IQGAP1: variants seen among roughly 807,000 people sequenced by gnomAD.
IQGAP1 encodes ras GTPase-activating-like protein IQGAP1.
A neutral mutation model predicts 215.6 loss-of-function variants in IQGAP1; 66 were observed. The observed-to-expected ratio is 0.31, with a 90% CI of 0.25 to 0.38. IQGAP1 has a LOEUF of 0.38. Ranked by LOEUF, IQGAP1 falls within the 10% of genes least tolerant of loss-of-function variation. The pLI is 1.00. For synonymous variants in IQGAP1, 772 were observed against 728.7 expected (o/e 1.06, Z -0.96); for missense variants, 1,712 against 1,997.1 (o/e 0.86, Z 2.72).
intron 2 of IQGAP1, 152 bp from the exon 3 acceptor site, chr15:90,425,958 C>A: frequency 1.6e-6 from 1 of 637,738 alleles, no homozygotes; most frequent in Non-Finnish European, 2.4e-6. Flanking sequence ...CTGGGCCAGG[C>A]AGGGAAAGGA....
At chr15:90,406,957 G>T (rs1964887772) in intron 2 of IQGAP1, among the ~76,000 whole-genome samples, 1 of 152,178 alleles carries the variant, frequency 6.6e-6, no homozygotes, top group Non-Finnish European at 1.5e-5. Flanking sequence ...CCAAGGAAAA[G>T]ATGGTTCCAC....
At chr15:90,460,888 A>G (rs1965751611) in intron 15 of IQGAP1, among the ~76,000 whole-genome samples, 1 of 151,576 alleles carries the variant, frequency 6.6e-6, no homozygotes, top group South Asian at 2.1e-4. Context: ...GGTCCCAGGC[A>G]CTTGGGAGGT....
In IQGAP1 at chr15:90,481,269, C is replaced by CTTTTTTTTTTTTT. The variant is rs57452745; in HGVS notation, c.3330-677_3330-665dup. The stretch of plus-strand genomic sequence containing the variant: ...GTGTGTACCAAAGCTCTCTCTGCCT[C>CTTTTTTTTTTTTT]TTTTTTTTTTTTTTTTTTTTTTTTT... On this transcript the variant is annotated intron_variant, in intron 26 of 37. Coordinates refer to ENST00000268182, the MANE Select transcript of IQGAP1 (RefSeq NM_003870.4). 6.2e-5 allele frequency among the ~76,000 whole-genome samples: 7 copies of CTTTTTTTTTTTTT among 113,180 alleles called. 1 individual carries two copies. Among genetic ancestry groups the CTTTTTTTTTTTTT allele is most frequent in the African/African-American group, 2.3e-4 (7 of 29,966 alleles). The allele number at this position is 113,180 out of a possible 152,430, so 74.3% of individuals were successfully genotyped here. A position where few individuals can be genotyped will look rare whatever the true frequency, so the allele number is the denominator to read the frequency against.
chr15:90,456,135 T>C lies in IQGAP1; in HGVS notation c.1613-17T>C, dbSNP rs781112234. The C allele has an allele frequency of 2.4e-5, 39 of 1,601,246 alleles. No individual in the cohort carries two copies. The Admixed American group carries it at 6.4e-4, about 26-fold the overall frequency. ...CCTTAATTAGAAAAAAAAAACTTTC[T>C]GTCTCTTTATATTTAGGGATTTTAG... On this transcript the variant is annotated splice_polypyrimidine_tract_variant and intron_variant, in intron 14 of 37. Transcript: ENST00000268182.
intron 18 of IQGAP1, among the ~76,000 whole-genome samples, chr15:90,471,502 C>CTT (rs370377668): frequency 0.014 from 2,043 of 144,532 alleles, 55 homozygotes; most frequent in African/African-American, 0.046. Flanking sequence ...CTCATGAAGT[C>CTT]TTTTTTTTTT....
chr15:90,446,290 A>G (rs1171696606), intron 9 of IQGAP1, among the ~76,000 whole-genome samples: 1 of 152,200 alleles, frequency 6.6e-6, no homozygotes, highest in African/African-American at 2.4e-5. Flanking sequence ...AGGAAATAAT[A>G]ATATGTTCTT....
chr15:90,414,240 AGTTGGGGGTTGGAAGT>A, intron 2 of IQGAP1, among the ~76,000 whole-genome samples: 1 of 151,598 alleles, frequency 6.6e-6, no homozygotes, highest in African/African-American at 2.4e-5. Context: ...GCGGGGAGGG[AGTTGGGGGTTGGAAGT>A]CAAGAATCTC....
In IQGAP1 at chr15:90,486,955, G is replaced by A; in HGVS notation, c.4026G>A (p.Gly1342=). 1 of 1,613,872 alleles carries A rather than the reference G, an allele frequency of 6.2e-7. No individual in the cohort carries two copies. Among genetic ancestry groups the A allele is most frequent in the Non-Finnish European group, 8.5e-7 (1 of 1,179,894 alleles). ...CTTTCCACCCTCCCAAAACTTCAGGGGAAAGCTCTGGCAATTTAAATGACC... is the reference window on the plus strand; with the variant it reads ...CTTTCCACCCTCCCAAAACTTCAGGAGAAAGCTCTGGCAATTTAAATGACC... The part of the protein sequence containing the change: ...GEVPTIESLI[G]ESSGNLNDPN... The change falls in exon 32 of 38, where the codon GGG becomes GGA. Residue 1342 remains glycine (G), a splice_region_variant and synonymous_variant. Transcript: ENST00000268182.
intron 2 of IQGAP1, among the ~76,000 whole-genome samples, chr15:90,400,128 A>G (rs2151002926): frequency 6.6e-6 from 1 of 151,322 alleles, no homozygotes; most frequent in Non-Finnish European, 1.5e-5. Context: ...TTTTGCCTGC[A>G]ATGTGGAGAC....
In IQGAP1 at chr15:90,500,096, C is replaced by G; in HGVS notation, c.4962C>G (p.Phe1654Leu). Residue 1654 changes from phenylalanine (F) to leucine (L), a missense_variant, in exon 38 of 38, where the codon TTC (phenylalanine) becomes TTG (leucine). Physicochemically the swap from Phe to Leu is conservative, Grantham distance 22. Transcript: ENST00000268182. The stretch of plus-strand genomic sequence containing the variant: ...TGATCTTCCTTCTCAACAAAAAGTT[C>G]TACGGGAAGTAATTGATCGTTTGCT... The part of the protein sequence containing the change: ...NLLIFLLNKK[F>L]YGK The G allele has an allele frequency of 1.3e-6, 2 of 1,592,438 alleles. No homozygotes were observed. Among genetic ancestry groups the G allele is most frequent in the Non-Finnish European group, 1.7e-6 (2 of 1,160,228 alleles).
intron 2 of IQGAP1, chr15:90,391,662 T>A (rs985405546): frequency 2.3e-4 from 35 of 152,412 alleles, no homozygotes; most frequent in African/African-American, 8.2e-4. Flanking sequence ...GTCAGCATCC[T>A]CTGCATTCTT....
At position 90,484,578 on chromosome 15, in the gene IQGAP1, G is replaced by A. The variant is rs577329441; in HGVS notation, c.3921+226G>A. Among the ~76,000 whole-genome samples the A allele has an allele frequency of 4.9e-4, 75 of 151,916 alleles. No homozygotes were observed. The South Asian group carries it at 0.013, about 25-fold the overall frequency. ...GGCTGGAGTGCAGTGGCGCGATCTCGGCTCACTGCAAGCTCCACCTCCTGG... is the reference window on the plus strand; with the variant it reads ...GGCTGGAGTGCAGTGGCGCGATCTCAGCTCACTGCAAGCTCCACCTCCTGG... On this transcript the variant is annotated intron_variant, in intron 30 of 37. Transcript: ENST00000268182.
chr15:90,468,220 C>G (rs1006157398), intron 18 of IQGAP1, among the ~76,000 whole-genome samples: 2 of 152,280 alleles, frequency 1.3e-5, no homozygotes, highest in South Asian at 4.1e-4. Flanking sequence ...AGGCATGCAC[C>G]ACACCTGGCT....
intron 11 of IQGAP1, 105 bp downstream of exon 11, chr15:90,449,748 G>C: frequency 3.4e-6 from 3 of 869,952 alleles, no homozygotes; most frequent in Non-Finnish European, 5.2e-6. Flanking sequence ...GAGCCTACTA[G>C]CCATAACCAA....
At chr15:90,398,224 G>C (rs918272116) in intron 2 of IQGAP1, among the ~76,000 whole-genome samples, 1 of 152,078 alleles carries the variant, frequency 6.6e-6, no homozygotes, top group Non-Finnish European at 1.5e-5. Flanking sequence ...AGGAAAAGCA[G>C]ATTTAATGTG....
At chr15:90,444,207 A>G (rs2151020440) in intron 9 of IQGAP1, among the ~76,000 whole-genome samples, 1 of 151,500 alleles carries the variant, frequency 6.6e-6, no homozygotes, top group African/African-American at 2.4e-5. Context: ...ACTTAGGAAT[A>G]ATCATTACTG....
At chr15:90,486,559 G>T (rs372479706) in intron 31 of IQGAP1, 2,071 of 159,392 alleles carry the variant, frequency 0.013, 41 homozygotes, top group African/African-American at 0.049. Context: ...CTCCTGAGTT[G>T]TTTTTTTTTT....
intron 5 of IQGAP1, among the ~76,000 whole-genome samples, chr15:90,434,327 A>G (rs1331877401): frequency 6.6e-6 from 1 of 151,958 alleles, no homozygotes; most frequent in Non-Finnish European, 1.5e-5. Context: ...AATCCCAGCT[A>G]CTCGGGAGGC....
chr15:90,474,502 C>T lies in IQGAP1; in HGVS notation c.2593C>T (p.Pro865Ser), dbSNP rs959006091. 3 of 1,614,008 alleles carry T rather than the reference C, an allele frequency of 1.9e-6. No individual in the cohort carries two copies. The highest frequency in any genetic ancestry group is 1.3e-5 in the African/African-American group (1 of 75,032). The change falls in exon 23 of 38, where the codon CCT (proline) becomes TCT (serine). Residue 865 changes from proline (P) to serine (S), a missense_variant. Pro to Ser is a moderately conservative substitution (Grantham distance 74, BLOSUM62 -1). Around this residue, in one of 2 missense-constraint regions of IQGAP1, gnomAD observed 1,021 missense variants for 1,074.2 expected, o/e 0.95. Transcript: ENST00000268182. ...TCTGTCAGTCAATGCTGAGGATCCTCCTATGGTTGTGGTCCGAAAATTTGT... is the reference window on the plus strand; with the variant it reads ...TCTGTCAGTCAATGCTGAGGATCCTTCTATGGTTGTGGTCCGAAAATTTGT... Reference protein sequence around the residue: ...YKTLINAEDPPMVVVRKFVHL... With the variant: ...YKTLINAEDPSMVVVRKFVHL...
Sources: allele counts gnomAD v4.1 joint callset (sites outside exome capture counted in the v4.1 genomes callset), GRCh38; gene constraint gnomAD v4.1.1; regional missense constraint gnomAD v4.1.1; transcripts MANE v1.5; gene names NCBI Gene and HGNC (gene_info 2026-07-23, HGNC 2026-07-21).